The following PRIM2 variants were observed in gnomAD, a reference collection of about 807,000 sequenced individuals.
PRIM2 encodes the protein DNA primase large subunit.
PRIM2 carries 39 observed loss-of-function variants against 67.3 expected under a neutral mutation model. The ratio of observed to expected loss-of-function variants is 0.58; its 90% CI spans 0.45 to 0.76. The LOEUF is 0.76. Ranked by LOEUF, PRIM2 falls within the 30% of genes least tolerant of loss-of-function variation. PRIM2 has a pLI of 0.00. For missense variants in PRIM2, 398 were observed against 598.7 expected (o/e 0.66, Z 3.50); for synonymous variants, 143 against 198.7 (o/e 0.72, Z 2.36).
the PRIM2 span, among the ~76,000 whole-genome samples, chr6:57,232,748 T>C: frequency 1.3e-5 from 2 of 152,144 alleles, no homozygotes; most frequent in African/African-American, 4.8e-5. Context: ...TCCTCCTTCT[T>C]GCTCTCTCCC....
chr6:57,432,229 G>A (rs1385436946), intron 7 of PRIM2, among the ~76,000 whole-genome samples: 4 of 152,090 alleles, frequency 2.6e-5, no homozygotes, highest in African/African-American at 4.8e-5. Context: ...TTTGGGGGGG[G>A]TTGGGTAAGT....
chr6:57,231,179 A>G, the PRIM2 span, among the ~76,000 whole-genome samples: 1 of 152,214 alleles, frequency 6.6e-6, no homozygotes, highest in African/African-American at 2.4e-5. Flanking sequence ...TTTGAGAAAC[A>G]TTGTCTTTTC....
At chr6:57,612,785 C>T (rs1483965450) in intron 12 of PRIM2, among the ~76,000 whole-genome samples, 6 of 138,520 alleles carry the variant, frequency 4.3e-5, no homozygotes, top group African/African-American at 1.1e-4. Flanking sequence ...TCTTTTTTTT[C>T]TTTTCGCCTT....
At chr6:57,636,418 CA>C (rs1165426674) in intron 13 of PRIM2, among the ~76,000 whole-genome samples, 3 of 151,918 alleles carry the variant, frequency 2.0e-5, no homozygotes, top group South Asian at 2.1e-4. Context: ...CCCCCACATA[CA>C]AAAAAACCCC....
intron 5 of PRIM2, among the ~76,000 whole-genome samples, chr6:57,341,587 T>C (rs955803294): frequency 4.6e-5 from 7 of 152,234 alleles, no homozygotes; most frequent in Non-Finnish European, 1.0e-4. Context: ...CATTTCATTG[T>C]AGGCTTTCCC....
At chr6:57,313,855 A>C (rs188227247), upstream of PRIM2, among the ~76,000 whole-genome samples, 4 of 152,318 alleles carry the variant, frequency 2.6e-5, no homozygotes, top group East Asian at 7.7e-4. Context: ...ACTCACTTAG[A>C]TTTACCAAGC....
intron 7 of PRIM2, among the ~76,000 whole-genome samples, chr6:57,493,243 T>C (rs1394924770): frequency 6.6e-6 from 1 of 152,064 alleles, no homozygotes; most frequent in African/African-American, 2.4e-5. Flanking sequence ...GCTAGAATGT[T>C]GGTGAAAAGT....
intron 7 of PRIM2, among the ~76,000 whole-genome samples, chr6:57,420,823 T>G (rs1303835893): frequency 6.6e-6 from 1 of 152,196 alleles, no homozygotes; most frequent in Admixed American, 6.5e-5. Context: ...GATTTTAGTT[T>G]TGGACATGTT....
intron 7 of PRIM2, among the ~76,000 whole-genome samples, chr6:57,488,667 C>T (rs2127408671): frequency 6.6e-6 from 1 of 152,304 alleles, no homozygotes; most frequent in Non-Finnish European, 1.5e-5. Context: ...GGATGTCAGC[C>T]CACCACATGG....
the PRIM2 span, among the ~76,000 whole-genome samples, chr6:57,305,961 A>G: frequency 1.3e-5 from 2 of 152,252 alleles, no homozygotes; most frequent in Non-Finnish European, 1.5e-5. Flanking sequence ...TGTGTGTCAT[A>G]GAGTCATTAT....
the PRIM2 span, among the ~76,000 whole-genome samples, chr6:57,231,424 G>A: frequency 1.3e-5 from 2 of 152,028 alleles, no homozygotes; most frequent in Middle Eastern, 3.4e-3. Context: ...ATTACAAACT[G>A]AGAAAAAAAT....
At chr6:57,499,852 A>G (rs1554346683) in intron 7 of PRIM2, among the ~76,000 whole-genome samples, 58 of 152,326 alleles carry the variant, frequency 3.8e-4, no homozygotes, top group Non-Finnish European at 6.3e-4. Flanking sequence ...TGTTTTATGC[A>G]TATAATATGG....
chr6:57,581,627 C>T (rs1210307219), intron 10 of PRIM2, among the ~76,000 whole-genome samples: 1 of 152,198 alleles, frequency 6.6e-6, no homozygotes, highest in Non-Finnish European at 1.5e-5. Flanking sequence ...AGAACTCCCC[C>T]TGACCGTTTC....
chr6:57,623,237 T>A (rs1332278767), intron 12 of PRIM2, among the ~76,000 whole-genome samples: 1 of 152,190 alleles, frequency 6.6e-6, no homozygotes, highest in Non-Finnish European at 1.5e-5. Context: ...TTAGAATTGG[T>A]GTCACCAGGC....
chr6:57,299,082 C>G, the PRIM2 span, among the ~76,000 whole-genome samples: 1 of 150,662 alleles, frequency 6.6e-6, no homozygotes, highest in South Asian at 2.1e-4. Context: ...GTCTCTCTCT[C>G]TCTTTTTCTG....
chr6:57,500,127 C>T (rs1774100896), intron 7 of PRIM2, among the ~76,000 whole-genome samples: 3 of 152,166 alleles, frequency 2.0e-5, no homozygotes, highest in Non-Finnish European at 4.4e-5. Context: ...CTCTGATAGT[C>T]AGTTCTGTGG....
chr6:57,413,002 A>G (rs1356902711), intron 7 of PRIM2, among the ~76,000 whole-genome samples: 1 of 152,118 alleles, frequency 6.6e-6, no homozygotes, highest in East Asian at 1.9e-4. Context: ...AAAGAACCTC[A>G]ATGCTTGTAA....
chr6:57,390,259 T>C (rs1179360205), intron 7 of PRIM2: 1 of 153,794 alleles, frequency 6.5e-6, no homozygotes, highest in Non-Finnish European at 1.5e-5. Flanking sequence ...ATATGCTCTT[T>C]CTAGTTTGAC....
the PRIM2 span, among the ~76,000 whole-genome samples, chr6:57,306,686 AGATCTGTCTT>A: frequency 1.3e-5 from 2 of 152,148 alleles, no homozygotes; most frequent in Admixed American, 1.3e-4. Flanking sequence ...TTACAATATT[AGATCTGTCTT>A]GGGTCTAATA....
Sources: gnomAD v4.1 joint callset for allele counts (sites outside exome capture counted in the v4.1 genomes callset) on GRCh38, gnomAD v4.1.1 for gene constraint, MANE v1.5 for transcripts, NCBI Gene and HGNC (gene_info 2026-07-23, HGNC 2026-07-21) for gene names.